Variants in TLL2 observed in about 807,000 individuals in gnomAD.
TLL2 encodes tolloid-like protein 2.
TLL2 carries 106 observed loss-of-function variants against 123.0 expected under a neutral mutation model. That is an observed-to-expected ratio of 0.86 (90% confidence interval 0.74 to 1.01). TLL2 has a LOEUF of 1.01. Among genes scored for constraint, TLL2 ranks in the 50% least tolerant of loss-of-function variants. The pLI is 0.00. For synonymous variants in TLL2, 494 were observed against 516.8 expected, an observed-to-expected ratio of 0.96 and a Z score of 0.60; for missense variants, 1,332 against 1,336.7, an observed-to-expected ratio of 1.00 and a Z score of 0.06.
intron 3 of TLL2, among the ~76,000 whole-genome samples, chr10:96,439,315 G>A (rs1279127266): frequency 6.6e-6 from 1 of 150,946 alleles, no homozygotes; most frequent in Non-Finnish European, 1.5e-5. Context: ...TGGCCAGGCT[G>A]GTTTTGAACT....
At chr10:96,415,122 G>T (rs1484735404) in intron 7 of TLL2, among the ~76,000 whole-genome samples, 2 of 152,146 alleles carry the variant, frequency 1.3e-5, no homozygotes, top group Non-Finnish European at 2.9e-5. Context: ...TCACCACTTG[G>T]ATCTCTAGGC....
chr10:96,398,305 C>A (rs1192479149), intron 10 of TLL2, among the ~76,000 whole-genome samples: 1 of 152,194 alleles, frequency 6.6e-6, no homozygotes, highest in Non-Finnish European at 1.5e-5. Flanking sequence ...TAGCCTGTAT[C>A]TGGATAGAGG....
chr10:96,450,880 CA>C (rs1272736076), intron 2 of TLL2, among the ~76,000 whole-genome samples: 3 of 152,128 alleles, frequency 2.0e-5, no homozygotes, highest in African/African-American at 7.2e-5. Flanking sequence ...TATATATCCC[CA>C]TATTTGATCT....
Position 96,487,843 on chromosome 10 carries a change from G to A in TLL2, c.176-7384C>T, listed in dbSNP as rs575952927. Among the ~76,000 whole-genome samples the A allele has an allele frequency of 2.6e-5, 4 of 152,206 alleles. No homozygotes were observed. The South Asian group carries it at 8.3e-4, about 32-fold the overall frequency. ...GCATCTACTCAACTTCCCAGATTGT[G>A]CCAGAGTCTAAACGCCATGACAACA... is the stretch of plus-strand genomic sequence containing the variant. On this transcript the variant is annotated intron_variant, in intron 1 of 20. Transcript: ENST00000357947.
chr10:96,503,723 T>C (rs1847555060), intron 1 of TLL2, among the ~76,000 whole-genome samples: 1 of 152,212 alleles, frequency 6.6e-6, no homozygotes, highest in African/African-American at 2.4e-5. Flanking sequence ...TTTTGACACC[T>C]GGTATTATTC....
At chr10:96,486,774 C>T (rs979030437) in intron 1 of TLL2, among the ~76,000 whole-genome samples, 16 of 152,354 alleles carry the variant, frequency 1.1e-4, no homozygotes, top group East Asian at 3.9e-4. Context: ...AGTTTGAAGG[C>T]GGAGCATGGC....
At chr10:96,399,857 C>T (rs1025362039) in intron 10 of TLL2, among the ~76,000 whole-genome samples, 1 of 152,196 alleles carries the variant, frequency 6.6e-6, no homozygotes, top group African/African-American at 2.4e-5. Context: ...CTCCTAAGGA[C>T]CTAAGCAGAT....
At chr10:96,379,943 C>G (rs78640851) in intron 16 of TLL2, among the ~76,000 whole-genome samples, 1 of 152,246 alleles carries the variant, frequency 6.6e-6, no homozygotes, top group Non-Finnish European at 1.5e-5. Context: ...GACTCCACCC[C>G]GCCCTCTGCA....
At chr10:96,373,249 C>T (rs1295687189) in intron 19 of TLL2, 1 of 269,252 alleles carries the variant, frequency 3.7e-6, no homozygotes, top group Non-Finnish European at 7.2e-6. Context: ...TCAAGCAATT[C>T]TCCTGCCTCA....
In TLL2 at chr10:96,368,208, G is replaced by C. The variant is rs1373690217; in HGVS notation, c.2928C>G (p.Ile976Met). 1 of 1,613,994 alleles carries C rather than the reference G, an allele frequency of 6.2e-7. No individual in the cohort carries two copies. The highest frequency in any genetic ancestry group is 2.2e-5 in the East Asian group (1 of 44,898). Reference protein sequence around the residue: ...RFCGSGPLEEIYSAGDSLMIR... With the variant: ...RFCGSGPLEEMYSAGDSLMIR... The stretch of plus-strand genomic sequence containing the variant: ...TCATCAGGGAATCACCTGCAGAGTA[G>C]ATTTCTTCTAATGGCTGAGGAAAGG... The change falls in exon 21 of 21, where the codon ATC becomes ATG. Residue 976 changes from isoleucine to methionine, a missense_variant. Coordinates refer to ENST00000357947, the MANE Select transcript of TLL2 (RefSeq NM_012465.4).
At chr10:96,508,085 G>A (rs1490361950) in intron 1 of TLL2, among the ~76,000 whole-genome samples, 2 of 152,196 alleles carry the variant, frequency 1.3e-5, no homozygotes, top group Non-Finnish European at 2.9e-5. Flanking sequence ...ACATTCTGGG[G>A]ATGGGTCATG....
At chr10:96,480,919 GCT>G (rs1198409673) in intron 1 of TLL2, among the ~76,000 whole-genome samples, 1 of 152,222 alleles carries the variant, frequency 6.6e-6, no homozygotes, top group Non-Finnish European at 1.5e-5. Context: ...CACACAGCCT[GCT>G]CTAATTCAGT....
rs375148110 is a variant in TLL2 at position 96,403,884 on chromosome 10, C to T, written c.1267+1348G>A. Among the ~76,000 whole-genome samples, 847 of 151,736 alleles carry T rather than the reference C, an allele frequency of 5.6e-3. 2 individuals are homozygous for T. Among genetic ancestry groups the T allele is most frequent in the Non-Finnish European group, 7.8e-3 (532 of 67,816 alleles). On this transcript the variant is annotated intron_variant, in intron 10 of 20. Transcript: ENST00000357947. ...CAAGATATGTTTGCAGCAATGCTGC[C>T]TTGTTATTCTTTACTCCACTGAGAT...
rs1222156603 is a variant in TLL2, at chr10:96,459,732, A to ATG, written c.287-13565_287-13564insCA. 1.4e-3 allele frequency among the ~76,000 whole-genome samples: 173 copies of ATG among 123,060 alleles called. 1 individual carries two copies. Among genetic ancestry groups the ATG allele is most frequent in the African/African-American group, 4.8e-3 (164 of 33,970 alleles). The allele number at this position is 123,060 out of a possible 152,430, so 80.7% of individuals were successfully genotyped here. Reference sequence around the variant, plus strand: ...TATATATATATATATATATATATATAGCAGCTAAAATGAAAAGACACATGG... The same window carrying ATG: ...TATATATATATATATATATATATATATGGCAGCTAAAATGAAAAGACACATGG... On this transcript the variant is annotated intron_variant, in intron 2 of 20. Coordinates refer to ENST00000357947, the MANE Select transcript of TLL2 (RefSeq NM_012465.4).
intron 1 of TLL2, among the ~76,000 whole-genome samples, chr10:96,500,714 A>G (rs1320182313): frequency 1.4e-5 from 2 of 146,386 alleles, no homozygotes; most frequent in Non-Finnish European, 3.0e-5. Context: ...TGAGCCCGGG[A>G]GGCGGAGGCT....
Position 96,432,716 on chromosome 10 carries a change from C to T in TLL2, c.520+91G>A. ...CTGCTGTGGTCCCTAACATCTGCTC[C>T]ATCCCACCCGGGTCCTTCCTAGAAG... On this transcript the variant is annotated intron_variant, in intron 4 of 20. Coordinates refer to ENST00000357947, the MANE Select transcript of TLL2 (RefSeq NM_012465.4). 3 of 1,513,814 alleles carry T rather than the reference C, an allele frequency of 2.0e-6. No individual in the cohort carries two copies. In the South Asian group the frequency reaches 3.9e-5, roughly 19 times the overall value. The allele number at this position is 1,513,814 out of a possible 1,614,324, so 93.8% of individuals were successfully genotyped here.
chr10:96,410,382 TC>T lies in TLL2; in HGVS notation c.1140del (p.Ile381SerfsTer11). ...GYPSYSHCVW[R>X]ISVTPGEKIV... ...ACCTTTTCCCCTGGGGTGACCGAGA[TC>T]CTCCAGACGCAGTGGGAGTAAGATG... is the stretch of plus-strand genomic sequence containing the variant. On this transcript the variant is annotated frameshift_variant, in exon 9 of 21. Coordinates refer to ENST00000357947, the MANE Select transcript of TLL2 (RefSeq NM_012465.4). LOFTEE classifies it high-confidence loss of function. The T allele has an allele frequency of 6.2e-7, 1 of 1,613,472 alleles. No homozygotes were observed.
At position 96,410,356 on chromosome 10, in the gene TLL2, T is replaced by G. The variant is rs1564901331; in HGVS notation, c.1164+3A>C. 6.2e-7 allele frequency: 1 copy of G among 1,611,912 alleles called. No individual in the cohort carries two copies. The highest frequency in any genetic ancestry group is 1.1e-5 in the South Asian group (1 of 90,912). On this transcript the variant is annotated splice_donor_region_variant and intron_variant, in intron 9 of 20. Transcript: ENST00000357947. ...CCATTTGCCAAGGGGGCTTCCCACC[T>G]ACCTTTTCCCCTGGGGTGACCGAGA... is the stretch of plus-strand genomic sequence containing the variant.
intron 2 of TLL2, among the ~76,000 whole-genome samples, chr10:96,457,706 G>A (rs1847031281): frequency 6.6e-6 from 1 of 152,144 alleles, no homozygotes; most frequent in Non-Finnish European, 1.5e-5. Flanking sequence ...GGGGTAGGAT[G>A]GGGAGATCAG....
Sources: gnomAD v4.1 joint callset for allele counts (sites outside exome capture counted in the v4.1 genomes callset) on GRCh38, gnomAD v4.1.1 for gene constraint, MANE v1.5 for transcripts, NCBI Gene and HGNC (gene_info 2026-07-23, HGNC 2026-07-21) for gene names.